NCOR2: variants seen among roughly 807,000 people sequenced by gnomAD.
NCOR2 encodes the protein CTG repeat protein 26.
A neutral mutation model predicts 262.9 loss-of-function variants in NCOR2; 81 were observed. The observed-to-expected ratio is 0.31, with a 90% CI of 0.26 to 0.37. The LOEUF (loss-of-function observed/expected upper bound fraction) is 0.37, where lower values mean the gene tolerates loss of function less well. Among genes scored for constraint, NCOR2 ranks in the 10% least tolerant of loss-of-function variants. NCOR2 has a pLI of 1.00. For synonymous variants in NCOR2, 1,659 were observed against 1,559.3 expected (o/e 1.06, Z -1.51); for missense variants, 3,385 against 3,621.4 (o/e 0.93, Z 1.68).
At chr12:124,388,864 G>A in intron 16 of NCOR2, 2 of 370,026 alleles carry the variant, frequency 5.4e-6, no homozygotes, top group African/African-American at 4.1e-5. Context: ...CCGTCCCACG[G>A]TGAGGGAGGG....
intron 17 of NCOR2, among the ~76,000 whole-genome samples, chr12:124,380,202 G>A (rs1424773943): frequency 6.6e-6 from 1 of 152,174 alleles, no homozygotes; most frequent in South Asian, 2.1e-4. Flanking sequence ...GCCCTTCACC[G>A]TGGCCAGGCT....
At chr12:124,359,588 T>A (rs2038348616) in intron 22 of NCOR2, among the ~76,000 whole-genome samples, 1 of 152,190 alleles carries the variant, frequency 6.6e-6, no homozygotes, top group African/African-American at 2.4e-5. Flanking sequence ...CATCTGGAGA[T>A]CCTGCAAACG....
chr12:124,334,028 G>GTGTGTGC (rs1593094229), intron 41 of NCOR2, among the ~76,000 whole-genome samples: 11 of 149,972 alleles, frequency 7.3e-5, no homozygotes, highest in South Asian at 2.1e-4. Flanking sequence ...GTGCATGTGT[G>GTGTGTGC]GAAAGGCTGC....
At chr12:124,498,446 C>T (rs2048493292), upstream of NCOR2, among the ~76,000 whole-genome samples, 1 of 152,230 alleles carries the variant, frequency 6.6e-6, no homozygotes, top group Non-Finnish European at 1.5e-5. Context: ...GCCCCCCACC[C>T]AGCGCCTCAC....
chr12:124,509,861 C>A (rs1427669508), intron 1 of NCOR2, among the ~76,000 whole-genome samples: 3 of 151,734 alleles, frequency 2.0e-5, no homozygotes, highest in African/African-American at 7.3e-5. Context: ...GCAGACACAC[C>A]CCCCGACGGC....
At chr12:124,388,872 G>C in intron 16 of NCOR2, 1 of 889,398 alleles carries the variant, frequency 1.1e-6, no homozygotes, top group Non-Finnish European at 1.4e-6. Flanking sequence ...CGGTGAGGGA[G>C]GGAGGGAGGG....
chr12:124,407,279 G>A (rs977210145), intron 13 of NCOR2, among the ~76,000 whole-genome samples: 3 of 152,212 alleles, frequency 2.0e-5, no homozygotes, highest in Admixed American at 1.3e-4. Context: ...CCGGTGACGA[G>A]GACACATTCA....
intron 17 of NCOR2, among the ~76,000 whole-genome samples, chr12:124,382,742 C>G (rs1034277288): frequency 6.6e-6 from 1 of 152,384 alleles, no homozygotes; most frequent in East Asian, 1.9e-4. Flanking sequence ...TGGGATACAG[C>G]AGGCGCTGAA....
chr12:124,390,484 C>A (rs1365719844), intron 16 of NCOR2, among the ~76,000 whole-genome samples: 1 of 151,740 alleles, frequency 6.6e-6, no homozygotes, highest in Non-Finnish European at 1.5e-5. Context: ...AGTGACCCCC[C>A]CCCGTCGCCC....
At chr12:124,537,104 A>G (rs2051137060), upstream of NCOR2, among the ~76,000 whole-genome samples, 1 of 152,234 alleles carries the variant, frequency 6.6e-6, no homozygotes, top group South Asian at 2.1e-4. Context: ...ACATTTGTAA[A>G]GAGGCCTGCA....
chr12:124,394,152 C>T (rs1044818903), intron 16 of NCOR2, among the ~76,000 whole-genome samples: 4 of 152,240 alleles, frequency 2.6e-5, no homozygotes, highest in Admixed American at 6.5e-5. Context: ...CTGGAGACTG[C>T]GCCCTAAGCT....
At chr12:124,529,427 T>C (rs1242127033) in intron 1 of NCOR2, among the ~76,000 whole-genome samples, 3 of 151,956 alleles carry the variant, frequency 2.0e-5, no homozygotes, top group South Asian at 4.2e-4. Context: ...TGAGCCAAGA[T>C]CATGCCATGG....
intron 37 of NCOR2, chr12:124,337,429 C>T: frequency 1.5e-6 from 1 of 684,072 alleles, no homozygotes; most frequent in Non-Finnish European, 2.7e-6. Flanking sequence ...AGGCACTGTT[C>T]TAGACACTGT....
chr12:124,448,744 A>C (rs954217609), intron 7 of NCOR2, among the ~76,000 whole-genome samples: 6 of 152,210 alleles, frequency 3.9e-5, no homozygotes, highest in African/African-American at 1.4e-4. Context: ...GCACCAGCAG[A>C]TGTGTGAAAA....
intron 33 of NCOR2, among the ~76,000 whole-genome samples, chr12:124,342,558 C>T (rs924448302): frequency 6.6e-6 from 1 of 151,998 alleles, no homozygotes; most frequent in Non-Finnish European, 1.5e-5. Context: ...TTAGTAGGGA[C>T]GGGGTTTCAC....
intron 3 of NCOR2, among the ~76,000 whole-genome samples, chr12:124,479,071 G>A (rs909756352): frequency 2.0e-5 from 3 of 150,754 alleles, no homozygotes; most frequent in African/African-American, 7.3e-5. Flanking sequence ...AGGCCAGAGC[G>A]CACGGACGTG....
intron 20 of NCOR2, among the ~76,000 whole-genome samples, chr12:124,366,699 G>T (rs1190937410): frequency 6.6e-6 from 1 of 151,782 alleles, no homozygotes; most frequent in Non-Finnish European, 1.5e-5. Flanking sequence ...CTTTTTTGTG[G>T]TAGAGCCAAG....
intron 1 of NCOR2, among the ~76,000 whole-genome samples, chr12:124,506,312 C>T (rs1375668720): frequency 1.3e-5 from 2 of 151,056 alleles, no homozygotes; most frequent in African/African-American, 4.9e-5. Context: ...CCAGCCCAGG[C>T]GCCCGCCCTC....
At chr12:124,463,476 C>T (rs1248656898) in intron 5 of NCOR2, among the ~76,000 whole-genome samples, 1 of 152,236 alleles carries the variant, frequency 6.6e-6, no homozygotes, top group African/African-American at 2.4e-5. Context: ...GCCCGGCCCC[C>T]ACCCACGCAG....
Sources: allele counts gnomAD v4.1 joint callset (sites outside exome capture counted in the v4.1 genomes callset), GRCh38; gene constraint gnomAD v4.1.1; transcripts MANE v1.5; gene names NCBI Gene and HGNC (gene_info 2026-07-23, HGNC 2026-07-21).